Variants in FAM117A observed in about 807,000 individuals in gnomAD.
FAM117A encodes the protein family with sequence similarity 117 member A.
A neutral mutation model predicts 44.1 loss-of-function variants in FAM117A; 21 were observed. The ratio of observed to expected loss-of-function variants is 0.48; its 90% CI spans 0.34 to 0.69. The LOEUF (loss-of-function observed/expected upper bound fraction) is 0.69. FAM117A is among the 30% of genes least tolerant of loss of function. FAM117A has a pLI of 0.01. For synonymous variants in FAM117A, 220 were observed against 238.3 expected, an observed-to-expected ratio of 0.92 and a Z score of 0.71; for missense variants, 498 against 589.9, an observed-to-expected ratio of 0.84 and a Z score of 1.61.
At chr17:49,730,788 T>C (rs1422610478) in intron 2 of FAM117A, among the ~76,000 whole-genome samples, 1 of 152,166 alleles carries the variant, frequency 6.6e-6, no homozygotes, top group Non-Finnish European at 1.5e-5. Context: ...AAGCCTACTC[T>C]CTCTCCTTCC....
chr17:49,710,413 C>T lies in FAM117A; in HGVS notation c.*842G>A, dbSNP rs2073471264. 1 of 152,624 alleles carries T rather than the reference C, an allele frequency of 6.6e-6. No homozygotes were observed. The highest frequency in any genetic ancestry group is 2.4e-5 in the African/African-American group (1 of 41,438). 9.5% of individuals were successfully genotyped at this position (152,624 alleles called of 1,614,324 possible). A position where few individuals can be genotyped will look rare whatever the true frequency, so the allele number is the denominator to read the frequency against. On this transcript the variant is annotated 3_prime_UTR_variant, in exon 8 of 8. Transcript: ENST00000240364. ...AACCTCTAAACACAAGATAAGAAAA[C>T]TCGAACATTAACATTCTTCAATTTT...
At chr17:49,724,093 T>C (rs2073548016) in intron 2 of FAM117A, among the ~76,000 whole-genome samples, 1 of 152,162 alleles carries the variant, frequency 6.6e-6, no homozygotes, top group Admixed American at 6.5e-5. Context: ...CAAATGCCCA[T>C]GTCTCTCTAA....
At chr17:49,741,185 A>G (rs1431148283) in intron 1 of FAM117A, among the ~76,000 whole-genome samples, 1 of 152,186 alleles carries the variant, frequency 6.6e-6, no homozygotes, top group Non-Finnish European at 1.5e-5. Flanking sequence ...CTCAACAACT[A>G]GCTGGTTCAA....
At chr17:49,756,428 G>A (rs1272338549) in intron 1 of FAM117A, among the ~76,000 whole-genome samples, 4 of 152,074 alleles carry the variant, frequency 2.6e-5, no homozygotes, top group African/African-American at 9.7e-5. Context: ...AGAGCTCGGG[G>A]TGAACTAGGC....
intron 1 of FAM117A, among the ~76,000 whole-genome samples, chr17:49,743,801 T>C (rs1211486287): frequency 6.6e-6 from 1 of 151,060 alleles, no homozygotes; most frequent in Non-Finnish European, 1.5e-5. Context: ...TGGCACGACA[T>C]GCCTGTTAGT....
At chr17:49,783,295 T>C (rs554748083) in intron 1 of FAM117A, among the ~76,000 whole-genome samples, 23 of 152,220 alleles carry the variant, frequency 1.5e-4, no homozygotes, top group African/African-American at 5.1e-4. Context: ...TGTGCTCAGA[T>C]TGACTTCCCT....
intron 1 of FAM117A, among the ~76,000 whole-genome samples, chr17:49,762,106 G>A (rs1267662624): frequency 6.6e-6 from 1 of 152,144 alleles, no homozygotes. Context: ...CCAAACCTAC[G>A]TTCTTCCCCC....
At chr17:49,732,246 C>T (rs1598024644) in intron 2 of FAM117A, 1 of 212,784 alleles carries the variant, frequency 4.7e-6, no homozygotes, top group East Asian at 1.0e-4. Context: ...CAAAGAAAAA[C>T]GGTGGTAAAT....
chr17:49,722,852 A>T (rs1325067693), intron 2 of FAM117A, among the ~76,000 whole-genome samples: 1 of 152,054 alleles, frequency 6.6e-6, no homozygotes, highest in African/African-American at 2.4e-5. Flanking sequence ...AGTGCTATAC[A>T]TATATGATAT....
chr17:49,719,852 G>C lies in FAM117A; in HGVS notation c.616C>G (p.Leu206Val), dbSNP rs576336246. Reference sequence around the variant, plus strand: ...AGGCTCCTGTGCAGGCAGGGGCTGAGTCGCAAGACAGGGGACCCTGAGGGG... The same window carrying C: ...AGGCTCCTGTGCAGGCAGGGGCTGACTCGCAAGACAGGGGACCCTGAGGGG... ...SFPSGSPVLR[L>V]SPCLHRSLEG... The change falls in exon 5 of 8, where the codon CTC becomes GTC. Residue 206 changes from leucine to valine, a missense_variant. Coordinates refer to ENST00000240364, the MANE Select transcript of FAM117A (RefSeq NM_030802.4). The C allele has an allele frequency of 3.1e-6, 5 of 1,608,126 alleles. No individual in the cohort carries two copies. In the Admixed American group the frequency reaches 8.6e-5, roughly 28 times the overall value.
chr17:49,719,631 G>A, intron 5 of FAM117A, 129 bp downstream of exon 5: 2 of 1,121,490 alleles, frequency 1.8e-6, no homozygotes, highest in Non-Finnish European at 2.5e-6. Context: ...TTTGCAGGCT[G>A]GTGTTTGTAT....
rs1280989029 is a variant in FAM117A at position 49,716,431 on chromosome 17, A to G, written c.911-116T>C. The G allele has an allele frequency of 3.3e-6, 3 of 898,708 alleles. No homozygotes were observed. In the African/African-American group the frequency reaches 5.1e-5, roughly 15 times the overall value. 55.7% of individuals were successfully genotyped at this position (898,708 alleles called of 1,614,324 possible). ...GGGGACACATGGTAAGGAAGAGGGTAGCGGGTGTGCTTATCCAGTGTGATT... is the reference window on the plus strand; with the variant it reads ...GGGGACACATGGTAAGGAAGAGGGTGGCGGGTGTGCTTATCCAGTGTGATT... On this transcript the variant is annotated intron_variant, in intron 6 of 7. Transcript: ENST00000240364.
chr17:49,765,351 C>T (rs2073742324), upstream of FAM117A, among the ~76,000 whole-genome samples: 1 of 152,094 alleles, frequency 6.6e-6, no homozygotes, highest in Non-Finnish European at 1.5e-5. Context: ...ATTTTTCTTT[C>T]TATTTCTGTT....
chr17:49,780,660 C>T (rs2073787009), intron 1 of FAM117A, among the ~76,000 whole-genome samples: 2 of 152,084 alleles, frequency 1.3e-5, no homozygotes, highest in South Asian at 2.1e-4. Flanking sequence ...CGTGAGCTAC[C>T]GCGCCCAGCC....
At chr17:49,724,362 T>TA (rs770684123) in intron 2 of FAM117A, 1 of 456,264 alleles carries the variant, frequency 2.2e-6, no homozygotes, top group South Asian at 1.5e-5. Context: ...GTTCTGCCCA[T>TA]TTCCCTTCCT....
intron 1 of FAM117A, 55 bp downstream of exon 1, chr17:49,763,824 TCCCGCGGTCACGC>T: frequency 9.7e-6 from 1 of 103,004 alleles, no homozygotes; most frequent in Non-Finnish European, 1.4e-5. Context: ...CCCGTCCCCC[TCCCGCGGTCACGC>T]GCCCCCCCTC....
At chr17:49,758,631 A>T (rs1337799691) in intron 1 of FAM117A, among the ~76,000 whole-genome samples, 2 of 120,942 alleles carry the variant, frequency 1.7e-5, no homozygotes, top group African/African-American at 3.3e-5. Context: ...CAAAAAAAAA[A>T]AAAAATAAAA....
chr17:49,759,856 G>C (rs976927326), intron 1 of FAM117A, among the ~76,000 whole-genome samples: 1 of 152,136 alleles, frequency 6.6e-6, no homozygotes, highest in South Asian at 2.1e-4. Context: ...TATCCCCATG[G>C]GGAAGCCAAT....
intron 1 of FAM117A, among the ~76,000 whole-genome samples, chr17:49,754,191 G>A (rs535455749): frequency 5.4e-4 from 82 of 152,292 alleles, no homozygotes; most frequent in African/African-American, 8.4e-4. Flanking sequence ...CCAAACAGGG[G>A]CTGTGTGGCA....
Sources: allele counts gnomAD v4.1 joint callset (sites outside exome capture counted in the v4.1 genomes callset), GRCh38; gene constraint gnomAD v4.1.1; transcripts MANE v1.5; gene names NCBI Gene and HGNC (gene_info 2026-07-23, HGNC 2026-07-21).